Variants in CNTNAP5 observed in about 807,000 individuals in gnomAD.
CNTNAP5 encodes the protein contactin associated protein family member 5.
CNTNAP5 carries 72 observed loss-of-function variants against 150.2 expected under a neutral mutation model. The observed-to-expected ratio is 0.48, with a 90% CI of 0.40 to 0.58. The LOEUF (loss-of-function observed/expected upper bound fraction) is 0.58. CNTNAP5 is among the 20% of genes least tolerant of loss of function. The probability of loss-of-function intolerance (pLI) is 0.00; values close to 1 mark genes in which losing one functional copy is unlikely to be tolerated. For synonymous variants in CNTNAP5, 672 were observed against 619.8 expected (o/e 1.08, Z -1.25); for missense variants, 1,636 against 1,626.2 (o/e 1.01, Z -0.10).
intron 3 of CNTNAP5, among the ~76,000 whole-genome samples, chr2:124,281,626 G>A (rs1260714682): frequency 1.3e-5 from 2 of 152,128 alleles, no homozygotes; most frequent in Non-Finnish European, 2.9e-5. Flanking sequence ...ACAGTTAAGC[G>A]ACAAGAAGAA....
intron 13 of CNTNAP5, among the ~76,000 whole-genome samples, chr2:124,656,576 CT>C (rs1358210992): frequency 6.6e-6 from 1 of 152,190 alleles, no homozygotes; most frequent in African/African-American, 2.4e-5. Context: ...AGGTGGATAA[CT>C]TAATCAAGCT....
At chr2:124,352,895 C>A (rs921988878) in intron 3 of CNTNAP5, among the ~76,000 whole-genome samples, 1 of 152,144 alleles carries the variant, frequency 6.6e-6, no homozygotes, top group East Asian at 1.9e-4. Context: ...TTACTGAACT[C>A]ATAAAATGCT....
chr2:124,663,765 C>T (rs1047892708), intron 13 of CNTNAP5, among the ~76,000 whole-genome samples: 3 of 152,096 alleles, frequency 2.0e-5, no homozygotes, highest in Admixed American at 6.5e-5. Flanking sequence ...AAGGGCCATA[C>T]ATTATGATGC....
At chr2:124,867,163 GC>G (rs1336179754) in intron 20 of CNTNAP5, among the ~76,000 whole-genome samples, 1 of 151,960 alleles carries the variant, frequency 6.6e-6, no homozygotes, top group Admixed American at 6.6e-5. Flanking sequence ...GCTCCCCAAA[GC>G]CTAAAACAAA....
intron 7 of CNTNAP5, among the ~76,000 whole-genome samples, chr2:124,476,976 G>T (rs79113862): frequency 0.13 from 19,927 of 152,048 alleles, 1,656 homozygotes; most frequent in Non-Finnish European, 0.19. Context: ...AAAATCCAGA[G>T]AATTCTCCAC....
chr2:124,919,611 C>A lies in CNTNAP5; in HGVS notation c.*5323C>A, dbSNP rs1269280581. On this transcript the variant is annotated 3_prime_UTR_variant, in exon 24 of 24. Coordinates refer to ENST00000682447, the MANE Select transcript of CNTNAP5 (RefSeq NM_001367498.1). ...GCCTTTCCACTTTCATGGCTCCTCA[C>A]TCAGGAGTCTCTTTAGTGCATTTGG... is the stretch of plus-strand genomic sequence containing the variant. Among the ~76,000 whole-genome samples the A allele has an allele frequency of 6.6e-6, 1 of 152,050 alleles. No individual in the cohort carries two copies.
At chr2:124,586,459 G>A (rs1489772557) in intron 11 of CNTNAP5, among the ~76,000 whole-genome samples, 1 of 152,164 alleles carries the variant, frequency 6.6e-6, no homozygotes, top group Non-Finnish European at 1.5e-5. Flanking sequence ...ACCTCTCTGA[G>A]CTTCAGGTTG....
chr2:124,137,100 GC>G (rs1233086186), intron 1 of CNTNAP5, among the ~76,000 whole-genome samples: 1 of 152,050 alleles, frequency 6.6e-6, no homozygotes, highest in Non-Finnish European at 1.5e-5. Context: ...TTCTCCTCCA[GC>G]CTATGAGCTC....
intron 6 of CNTNAP5, among the ~76,000 whole-genome samples, chr2:124,466,078 C>T (rs1693371763): frequency 6.6e-6 from 1 of 152,112 alleles, no homozygotes; most frequent in African/African-American, 2.4e-5. Context: ...ATGCTTCCAC[C>T]ACCTCTCACC....
chr2:124,301,992 A>G (rs535841440), intron 3 of CNTNAP5, among the ~76,000 whole-genome samples: 1 of 152,312 alleles, frequency 6.6e-6, no homozygotes, highest in African/African-American at 2.4e-5. Flanking sequence ...CTCTAATCCA[A>G]TAGGACTGAT....
At chr2:124,386,826 G>A (rs79283901) in intron 3 of CNTNAP5, among the ~76,000 whole-genome samples, 8,154 of 152,088 alleles carry the variant, frequency 0.054, 249 homozygotes, top group Non-Finnish European at 0.068. Flanking sequence ...TGTCCCCCCA[G>A]AATTTTTATG....
intron 3 of CNTNAP5, among the ~76,000 whole-genome samples, chr2:124,395,957 C>T (rs1691231642): frequency 6.6e-6 from 1 of 152,138 alleles, no homozygotes; most frequent in Non-Finnish European, 1.5e-5. Flanking sequence ...CCCCAGAGTC[C>T]ATCATCAACA....
chr2:124,309,789 T>A (rs188781442), intron 3 of CNTNAP5, among the ~76,000 whole-genome samples: 1 of 152,288 alleles, frequency 6.6e-6, no homozygotes, highest in East Asian at 1.9e-4. Context: ...TCAAGATAGT[T>A]GAGACATGAA....
At chr2:124,166,009 T>G (rs996660521) in intron 1 of CNTNAP5, among the ~76,000 whole-genome samples, 1 of 152,164 alleles carries the variant, frequency 6.6e-6, no homozygotes, top group Non-Finnish European at 1.5e-5. Context: ...CAGAGGATTG[T>G]GAGTGTGAAA....
intron 17 of CNTNAP5, among the ~76,000 whole-genome samples, chr2:124,787,424 C>A (rs563233049): frequency 1.3e-5 from 2 of 152,272 alleles, no homozygotes; most frequent in African/African-American, 4.8e-5. Context: ...TGGGGTTTGG[C>A]CTCCTGGCCT....
chr2:124,228,835 G>A (rs1338756123), intron 2 of CNTNAP5, among the ~76,000 whole-genome samples: 1 of 152,094 alleles, frequency 6.6e-6, no homozygotes, highest in African/African-American at 2.4e-5. Flanking sequence ...TCCCACTCAA[G>A]ATGAAATTTA....
At chr2:124,140,954 G>A (rs1684106941) in intron 1 of CNTNAP5, among the ~76,000 whole-genome samples, 1 of 65,688 alleles carries the variant, frequency 1.5e-5, no homozygotes, top group African/African-American at 5.0e-5. Flanking sequence ...AGGAGCTGAT[G>A]GAGCTGAAAC....
chr2:124,100,864 CAAAAAA>C (rs60441145), intron 1 of CNTNAP5, among the ~76,000 whole-genome samples: 1 of 88,048 alleles, frequency 1.1e-5, no homozygotes, highest in African/African-American at 4.2e-5. Flanking sequence ...GACTCTGTCT[CAAAAAA>C]AAAAAAAAAA....
chr2:124,647,066 A>G (rs1440805878), intron 12 of CNTNAP5, among the ~76,000 whole-genome samples: 2 of 152,192 alleles, frequency 1.3e-5, no homozygotes, highest in Admixed American at 1.3e-4. Context: ...CCCATGTTCT[A>G]ATGCCCAAAT....
Sources: allele counts gnomAD v4.1 joint callset (sites outside exome capture counted in the v4.1 genomes callset), GRCh38; gene constraint gnomAD v4.1.1; transcripts MANE v1.5; gene names NCBI Gene and HGNC (gene_info 2026-07-23, HGNC 2026-07-21).